The following CLCA1 variants were observed in gnomAD, a reference collection of about 807,000 sequenced individuals.
CLCA1 encodes chloride channel accessory 1, also known as calcium-activated chloride channel regulator 1.
CLCA1 carries 59 observed loss-of-function variants against 85.6 expected under a neutral mutation model. That is an observed-to-expected ratio of 0.69 (90% CI 0.56 to 0.86). The LOEUF is 0.86. Among genes scored for constraint, CLCA1 ranks in the 40% least tolerant of loss-of-function variants. The pLI is 0.00. For missense variants in CLCA1, 1,022 were observed against 1,101.4 expected (o/e 0.93, Z 1.02); for synonymous variants, 396 against 398.3 (o/e 0.99, Z 0.07).
chr1:86,498,620 T>C lies in CLCA1; in HGVS notation c.2162T>C (p.Val721Ala), dbSNP rs1412239850. 6.2e-7 allele frequency: 1 copy of C among 1,613,738 alleles called. No homozygotes were observed. Among genetic ancestry groups the C allele is most frequent in the South Asian group, 1.1e-5 (1 of 91,034 alleles). ...PPRPEINKDD[V>A]QHKQVCFSRT... ...AGACCTGAAATTAATAAGGATGATG[T>C]TCAACACAAGCAAGTGTGTTTCAGC... Residue 721 changes from valine to alanine, a missense_variant, in exon 13 of 14, where the codon GTT (valine) becomes GCT (alanine). Physicochemically the swap from Val to Ala is moderately conservative, Grantham distance 64 (BLOSUM62 0). Coordinates refer to ENST00000394711, the MANE Select transcript of CLCA1 (RefSeq NM_001285.4).
chr1:86,471,052 T>C (rs890202107), intron 1 of CLCA1, among the ~76,000 whole-genome samples: 1 of 152,154 alleles, frequency 6.6e-6, no homozygotes, highest in African/African-American at 2.4e-5. Flanking sequence ...AAACTCTCTC[T>C]TCCCCCGTCA....
chr1:86,482,611 G>C (rs1647849852), intron 5 of CLCA1, among the ~76,000 whole-genome samples: 1 of 152,088 alleles, frequency 6.6e-6, no homozygotes, highest in Admixed American at 6.5e-5. Flanking sequence ...CTAGTTTTTA[G>C]TTCAAGTGCT....
intron 11 of CLCA1, among the ~76,000 whole-genome samples, chr1:86,495,218 T>C (rs973352406): frequency 6.6e-6 from 1 of 152,216 alleles, no homozygotes; most frequent in Non-Finnish European, 1.5e-5. Context: ...GTTCAACAGA[T>C]ACTTATTGAG....
At chr1:86,471,902 C>T (rs1009122304) in intron 1 of CLCA1, among the ~76,000 whole-genome samples, 6 of 152,090 alleles carry the variant, frequency 3.9e-5, no homozygotes. Flanking sequence ...TGCTGCTTCC[C>T]CATAAAATGG....
Position 86,485,525 on chromosome 1 carries a change from T to C in CLCA1, c.918T>C (p.Ile306=), listed in dbSNP as rs1287489550. Residue 306 remains isoleucine (I), a synonymous_variant, in exon 6 of 14, where the codon ATT becomes ATC. Coordinates refer to ENST00000394711, the MANE Select transcript of CLCA1 (RefSeq NM_001285.4). ...CATTGCTGCAGATTGGACAAAGAAT[T>C]GTGTGTTTAGTCCTTGACAAATCTG... ...TFSLLQIGQR[I]VCLVLDKSGS... is the part of the protein sequence containing the mutation. 1 of 1,614,018 alleles carries C rather than the reference T, an allele frequency of 6.2e-7. No homozygotes were observed. Among genetic ancestry groups the C allele is most frequent in the Non-Finnish European group, 8.5e-7 (1 of 1,180,030 alleles).
intron 9 of CLCA1, among the ~76,000 whole-genome samples, chr1:86,491,892 C>T (rs1648142709): frequency 6.6e-6 from 1 of 150,804 alleles, no homozygotes; most frequent in East Asian, 2.3e-4. Context: ...AACTATGTGA[C>T]CTAGGCAAAG....
intron 9 of CLCA1, among the ~76,000 whole-genome samples, chr1:86,491,726 G>A (rs1648139835): frequency 6.6e-6 from 1 of 152,104 alleles, no homozygotes; most frequent in Non-Finnish European, 1.5e-5. Flanking sequence ...AAATTTTCTG[G>A]GACAAGTGTC....
At chr1:86,477,886 C>T (rs987234260) in intron 4 of CLCA1, among the ~76,000 whole-genome samples, 1 of 152,248 alleles carries the variant, frequency 6.6e-6, no homozygotes, top group African/African-American at 2.4e-5. Flanking sequence ...ACAACACCCT[C>T]TCCATGTCTG....
chr1:86,473,854 G>C lies in CLCA1; in HGVS notation c.429G>C (p.Lys143Asn), dbSNP rs762070266. The stretch of plus-strand genomic sequence containing the variant: ...CTCCTGATTTCATTGCAGGAAAAAA[G>C]TTAGCTGAATATGGACCACAAGGTA... The part of the protein sequence containing the change: ...HLTPDFIAGK[K>N]LAEYGPQGRA... The change falls in exon 3 of 14, where the codon AAG becomes AAC. Residue 143 changes from lysine to asparagine, a missense_variant. By Grantham distance (94) the Lys-to-Asn change is moderately conservative (BLOSUM62 0). Coordinates refer to ENST00000394711, the MANE Select transcript of CLCA1 (RefSeq NM_001285.4). 1 of 1,606,928 alleles carries C rather than the reference G, an allele frequency of 6.2e-7. No homozygotes were observed. Among genetic ancestry groups the C allele is most frequent in the Non-Finnish European group, 8.5e-7 (1 of 1,177,368 alleles).
intron 5 of CLCA1, among the ~76,000 whole-genome samples, chr1:86,485,133 G>T (rs762247102): frequency 1.1e-4 from 16 of 152,112 alleles, no homozygotes; most frequent in Non-Finnish European, 8.8e-5. Flanking sequence ...TAAATGGATT[G>T]CTGAGGAGCA....
chr1:86,490,886 C>A lies in CLCA1; in HGVS notation c.1358-379C>A, dbSNP rs568920662. 7.3e-3 allele frequency among the ~76,000 whole-genome samples: 822 copies of A among 112,458 alleles called. 9 individuals carry two copies. Among genetic ancestry groups the A allele is most frequent in the African/African-American group, 0.028 (762 of 26,822 alleles). 73.8% of individuals were successfully genotyped at this position (112,458 alleles called of 152,430 possible). A position where few individuals can be genotyped will look rare whatever the true frequency, so the allele number is the denominator to read the frequency against. ...TTCAAGACCAGCCTGAGTAACATGG[C>A]AAAACCCATCTCTAAAAAAAAAAAA... On this transcript the variant is annotated intron_variant, in intron 8 of 13. Coordinates refer to ENST00000394711, the MANE Select transcript of CLCA1 (RefSeq NM_001285.4).
chr1:86,486,147 C>T (rs1168138479), intron 6 of CLCA1, among the ~76,000 whole-genome samples: 1 of 152,106 alleles, frequency 6.6e-6, no homozygotes, highest in Non-Finnish European at 1.5e-5. Flanking sequence ...CCTCCATGTT[C>T]CTCCCACCTC....
At position 86,478,638 on chromosome 1, in the gene CLCA1, C is replaced by T. The variant is rs149158967; in HGVS notation, c.557+2085C>T. Among the ~76,000 whole-genome samples the T allele has an allele frequency of 2.1e-4, 32 of 152,354 alleles. No individual in the cohort carries two copies. In the East Asian group the frequency reaches 5.8e-3, roughly 28 times the overall value. On this transcript the variant is annotated intron_variant, in intron 4 of 13. Transcript: ENST00000394711. Reference sequence around the variant, plus strand: ...GATATCTCTTTCCCAGTTCTCTTTCCTAAGCTTCCAGCCAGTTAGACACCA... The same window carrying T: ...GATATCTCTTTCCCAGTTCTCTTTCTTAAGCTTCCAGCCAGTTAGACACCA...
chr1:86,485,676 T>C, intron 6 of CLCA1, 115 bp downstream of exon 6: 1 of 869,408 alleles, frequency 1.2e-6, no homozygotes, highest in African/African-American at 1.7e-5. Context: ...TAGTTATAAC[T>C]GTAACATTGT....
intron 4 of CLCA1, among the ~76,000 whole-genome samples, chr1:86,480,693 T>C (rs1647793888): frequency 6.6e-6 from 1 of 152,166 alleles, no homozygotes; most frequent in Admixed American, 6.5e-5. Flanking sequence ...TACTTACTAG[T>C]AATGAGAGAT....
At chr1:86,479,218 A>C (rs1214715921) in intron 4 of CLCA1, among the ~76,000 whole-genome samples, 2 of 152,252 alleles carry the variant, frequency 1.3e-5, no homozygotes, top group African/African-American at 4.8e-5. Flanking sequence ...ACTTTTCCAT[A>C]TATTAGCAAT....
At position 86,491,294 on chromosome 1, in the gene CLCA1, G is replaced by A. The variant is rs780414657; in HGVS notation, c.1387G>A (p.Val463Ile). 1.9e-6 allele frequency: 3 copies of A among 1,613,650 alleles called. No homozygotes were observed. Among genetic ancestry groups the A allele is most frequent in the South Asian group, 1.1e-5 (1 of 91,036 alleles). ...TTTACAGACATATGCTTCAGATCAA[G>A]TTCAGAACAATGGCCTCATTGATGC... ...GGLQTYASDQ[V>I]QNNGLIDAFG... Residue 463 changes from valine to isoleucine, a missense_variant, in exon 9 of 14, where the codon GTT becomes ATT. By Grantham distance (29) the Val-to-Ile change is conservative. Coordinates refer to ENST00000394711, the MANE Select transcript of CLCA1 (RefSeq NM_001285.4).
chr1:86,491,359 G>A lies in CLCA1; in HGVS notation c.1452G>A (p.Gln484=). 6.2e-7 allele frequency: 1 copy of A among 1,610,054 alleles called. No individual in the cohort carries two copies. The highest frequency in any genetic ancestry group is 2.2e-5 in the East Asian group (1 of 44,840). ...ALSSGNGAVS[Q]RSIQLESKGL... ...CATCAGGAAATGGAGCTGTCTCTCAGCGCTCCATCCAGGTTGGAGTTCTTA... is the reference window on the plus strand; with the variant it reads ...CATCAGGAAATGGAGCTGTCTCTCAACGCTCCATCCAGGTTGGAGTTCTTA... Residue 484 remains glutamine (Q), a synonymous_variant, in exon 9 of 14, where the codon CAG becomes CAA. Transcript: ENST00000394711.
intron 5 of CLCA1, 60 bp from the exon 6 acceptor site, chr1:86,485,282 AT>A: frequency 7.4e-7 from 1 of 1,343,948 alleles, no homozygotes; most frequent in Non-Finnish European, 1.1e-6. Context: ...GGTCTAACAA[AT>A]TATTAAATAT....
Sources: gnomAD v4.1 joint callset for allele counts (sites outside exome capture counted in the v4.1 genomes callset) on GRCh38, gnomAD v4.1.1 for gene constraint, MANE v1.5 for transcripts, NCBI Gene and HGNC (gene_info 2026-07-23, HGNC 2026-07-21) for gene names.